SLC6A3: variants seen among roughly 807,000 people sequenced by gnomAD.
The protein encoded by SLC6A3 is solute carrier family 6 member 3.
A neutral mutation model predicts 70.4 loss-of-function variants in SLC6A3; 19 were observed. The observed-to-expected ratio is 0.27, with a 90% CI of 0.19 to 0.40. The LOEUF is 0.40. SLC6A3 is among the 10% of genes least tolerant of loss of function. The pLI is 1.00. For missense variants in SLC6A3, 613 were observed against 838.5 expected (o/e 0.73, Z 3.32); for synonymous variants, 368 against 356.6 (o/e 1.03, Z -0.36).
chr5:1,435,908 A>T (rs2126400718), intron 3 of SLC6A3, among the ~76,000 whole-genome samples: 1 of 133,952 alleles, frequency 7.5e-6, no homozygotes, highest in South Asian at 2.5e-4. Context: ...GGGTGAGGAA[A>T]CAGCCTTGAA....
rs370907238 is a variant in SLC6A3 at position 1,409,755 on chromosome 5, G to T, written c.1364C>A (p.Ala455Glu). The T allele has an allele frequency of 6.2e-7, 1 of 1,613,302 alleles. No homozygotes were observed. The highest frequency in any genetic ancestry group is 2.2e-5 in the East Asian group (1 of 44,902). Residue 455 changes from alanine to glutamate, a missense_variant, in exon 10 of 15, where the codon GCG becomes GAG. By Grantham distance (107) the Ala-to-Glu change is moderately radical (BLOSUM62 -1). This residue lies in a region of SLC6A3 where 348 missense variants were observed against 481.2 expected (regional missense o/e 0.72). Transcript: ENST00000270349. ...RELFTLFIVLATFLLSLFCVT... is the reference protein window; with the variant it reads ...RELFTLFIVLETFLLSLFCVT... The stretch of plus-strand genomic sequence containing the variant: ...GCAGAACAGGGACAGGAGGAAGGTC[G>T]CCAGGACGATGAAGAGCGTGAAGAG...
Position 1,412,694 on chromosome 5 carries a change from A to G in SLC6A3, c.1157-1339T>C, listed in dbSNP as rs563721019. 2.0e-5 allele frequency among the ~76,000 whole-genome samples: 3 copies of G among 152,192 alleles called. No individual in the cohort carries two copies. In the East Asian group the frequency reaches 5.8e-4, roughly 29 times the overall value. ...CTGGCTGGCACCATCTCCCAAGCCCAATCTGCCTGCAACAGAGTCCCCTGT... is the reference window on the plus strand; with the variant it reads ...CTGGCTGGCACCATCTCCCAAGCCCGATCTGCCTGCAACAGAGTCCCCTGT... On this transcript the variant is annotated intron_variant, in intron 8 of 14. Coordinates refer to ENST00000270349, the MANE Select transcript of SLC6A3 (RefSeq NM_001044.5).
rs1260915789 is a variant in SLC6A3, at chr5:1,416,169, G to A, written c.960C>T (p.Phe320=). ...GCACCCCGAACCCCACGCCCAGGGAGAAGCACACCTGGGTGGCCGCGTCAA... is the reference window on the plus strand; with the variant it reads ...GCACCCCGAACCCCACGCCCAGGGAAAAGCACACCTGGGTGGCCGCGTCAA... ...VWIDAATQVC[F]SLGVGFGVLI... is the part of the protein sequence containing the mutation. The change falls in exon 7 of 15, where the codon TTC becomes TTT. Residue 320 remains phenylalanine, a synonymous_variant. Coordinates refer to ENST00000270349, the MANE Select transcript of SLC6A3 (RefSeq NM_001044.5). 10 of 1,613,900 alleles carry A rather than the reference G, an allele frequency of 6.2e-6. No homozygotes were observed. The highest frequency in any genetic ancestry group is 7.6e-6 in the Non-Finnish European group (9 of 1,179,966).
intron 3 of SLC6A3, among the ~76,000 whole-genome samples, chr5:1,440,712 C>T (rs1192303005): frequency 1.3e-5 from 2 of 151,978 alleles, no homozygotes; most frequent in Admixed American, 6.5e-5. Context: ...TGCATAGAAG[C>T]AAGAAGTATA....
At chr5:1,431,049 G>T (rs463379) in intron 4 of SLC6A3, among the ~76,000 whole-genome samples, 2 of 152,032 alleles carry the variant, frequency 1.3e-5, no homozygotes, top group South Asian at 4.2e-4. Flanking sequence ...ACTGGATCTG[G>T]GGAGAATCGC....
At position 1,402,774 on chromosome 5, in the gene SLC6A3, A is replaced by G; in HGVS notation, c.1767+148T>C. On this transcript the variant is annotated intron_variant, in intron 13 of 14. Transcript: ENST00000270349. The surrounding 1 kb of genome is among the most constrained non-coding windows in gnomAD (Gnocchi z 8.5). ...CGTGCAGGTGGACACACACACGCAC[A>G]CACACACACAGTGTTGTGGTGGCCA... The G allele has an allele frequency of 2.5e-6, 2 of 797,334 alleles. No homozygotes were observed. The highest frequency in any genetic ancestry group is 2.1e-6 in the Non-Finnish European group (1 of 469,280). The allele number at this position is 797,334 out of a possible 1,614,324, so 49.4% of individuals were successfully genotyped here.
At position 1,414,760 on chromosome 5, in the gene SLC6A3, C is replaced by T. The variant is rs750843353; in HGVS notation, c.1087G>A (p.Val363Ile). The stretch of plus-strand genomic sequence containing the variant: ...ATGTACCCCAGGAAGGAGAAGACGA[C>T]GAAGCCGGAGGAGAAGCTCGTCAGG... ...NSLTSFSSGF[V>I]VFSFLGYMAQ... Residue 363 changes from valine to isoleucine, a missense_variant, in exon 8 of 15, where the codon GTC (valine) becomes ATC (isoleucine). Transcript: ENST00000270349. The T allele has an allele frequency of 1.4e-5, 23 of 1,612,738 alleles. No homozygotes were observed. Among genetic ancestry groups the T allele is most frequent in the African/African-American group, 2.7e-5 (2 of 74,850 alleles).
Position 1,443,176 on chromosome 5 carries a change from C to G in SLC6A3, c.22G>C (p.Val8Leu). ...GCCACCACGGAAGACATGAGTCCCA[C>G]GGAGCATTTGCTCTTACTCATGGGC... MSKSKCS[V>L]GLMSSVVAPA... Residue 8 changes from valine (V) to leucine (L), a missense_variant, in exon 2 of 15, where the codon GTG (valine) becomes CTG (leucine). Physicochemically the swap from Val to Leu is conservative, Grantham distance 32. Around this residue, in one of 4 missense-constraint regions of SLC6A3, gnomAD observed 111 missense variants for 91.6 expected, o/e 1.21. Coordinates refer to ENST00000270349, the MANE Select transcript of SLC6A3 (RefSeq NM_001044.5). 6.2e-7 allele frequency: 1 copy of G among 1,614,252 alleles called. No individual in the cohort carries two copies. The highest frequency in any genetic ancestry group is 8.5e-7 in the Non-Finnish European group (1 of 1,180,042).
rs1755949957 is a variant in SLC6A3 at position 1,405,456 on chromosome 5, C to T, written c.1599+732G>A. 6.6e-6 allele frequency among the ~76,000 whole-genome samples: 1 copy of T among 152,182 alleles called. No homozygotes were observed. On this transcript the variant is annotated intron_variant, in intron 12 of 14. Coordinates refer to ENST00000270349, the MANE Select transcript of SLC6A3 (RefSeq NM_001044.5). This position sits in a 1 kb window ranked among gnomAD's most constrained non-coding sequence, Gnocchi z 5.3. ...GTCCCCACCTCGTGCCTGCTGGACT[C>T]GGGAGGTGCTTCTCTACGTGAGCAG...
rs1755915954 is a variant in SLC6A3 at position 1,404,170 on chromosome 5, T to C, written c.1600-1081A>G. Among the ~76,000 whole-genome samples the C allele has an allele frequency of 6.6e-6, 1 of 152,216 alleles. No individual in the cohort carries two copies. Among genetic ancestry groups the C allele is most frequent in the Admixed American group, 6.5e-5 (1 of 15,276 alleles). On this transcript the variant is annotated intron_variant, in intron 12 of 14. Transcript: ENST00000270349. The surrounding 1 kb of genome is among the most constrained non-coding windows in gnomAD (Gnocchi z 5.2). ...GTCTCATGCCAGTCTCAGCATCTTC[T>C]TCATGCGCTACTTCGGGCCACTTGT...
intron 7 of SLC6A3, 116 bp from the exon 8 acceptor site, chr5:1,414,931 G>A: frequency 7.3e-7 from 1 of 1,368,032 alleles, no homozygotes; most frequent in Non-Finnish European, 1.0e-6. Flanking sequence ...TCTTCGGAGG[G>A]GCTACTTTTC....
Position 1,442,982 on chromosome 5 carries a change from G to C in SLC6A3, c.216C>G (p.Ser72=). The change falls in exon 2 of 15, where the codon TCC becomes TCG. Residue 72 remains serine (S), a synonymous_variant. Transcript: ENST00000270349. The surrounding 1 kb of genome is among the most constrained non-coding windows in gnomAD (Gnocchi z 5.0). ...TWGKKIDFLL[S]VIGFAVDLAN... ...CCAGGTCCACAGCAAAGCCAATGAC[G>C]GACAGGAGAAAGTCGATCTTCTTGC... 1.9e-6 allele frequency: 3 copies of C among 1,614,202 alleles called. No individual in the cohort carries two copies. The highest frequency in any genetic ancestry group is 1.1e-5 in the South Asian group (1 of 91,078).
intron 8 of SLC6A3, among the ~76,000 whole-genome samples, chr5:1,412,426 G>A (rs1309352607): frequency 3.3e-5 from 5 of 152,340 alleles, no homozygotes; most frequent in East Asian, 1.9e-4. Flanking sequence ...CCCTGCAAGC[G>A]AGGGGCACGC....
At position 1,421,507 on chromosome 5, in the gene SLC6A3, C is replaced by T. The variant is rs969296248; in HGVS notation, c.792+369G>A. ...GCCAGAAACACTGCTGTGAGTGCTTCCCTCCTGAGGCCCTTCCCCAAACAC... is the reference window on the plus strand; with the variant it reads ...GCCAGAAACACTGCTGTGAGTGCTTTCCTCCTGAGGCCCTTCCCCAAACAC... On this transcript the variant is annotated intron_variant, in intron 5 of 14. Transcript: ENST00000270349. The surrounding 1 kb of genome is among the most constrained non-coding windows in gnomAD (Gnocchi z 7.2). Among the ~76,000 whole-genome samples the T allele has an allele frequency of 4.6e-5, 7 of 152,126 alleles. No individual in the cohort carries two copies. The highest frequency in any genetic ancestry group is 1.2e-4 in the African/African-American group (5 of 41,420).
intron 1 of SLC6A3, among the ~76,000 whole-genome samples, chr5:1,443,664 A>T (rs1255030066): frequency 6.6e-6 from 1 of 151,856 alleles, no homozygotes; most frequent in African/African-American, 2.4e-5. Flanking sequence ...GTTCATCTGT[A>T]TTCTTTTTTC....
chr5:1,434,043 A>AGCCATCTATGGCCATCTGTG (rs1312322422), intron 3 of SLC6A3, among the ~76,000 whole-genome samples: 4 of 152,254 alleles, frequency 2.6e-5, no homozygotes, highest in Non-Finnish European at 5.9e-5. Context: ...AGCCATCCAT[A>AGCCATCTATGGCCATCTGTG]GCCATCTATG....
At chr5:1,410,912 ATG>A (rs905530136) in intron 9 of SLC6A3, among the ~76,000 whole-genome samples, 1 of 150,568 alleles carries the variant, frequency 6.6e-6, no homozygotes. Flanking sequence ...GGTGGTGTGA[ATG>A]TGTGTGTTCG....
chr5:1,414,583 G>A lies in SLC6A3; in HGVS notation c.1156+108C>T, dbSNP rs148689647. The A allele has an allele frequency of 2.8e-4, 363 of 1,317,120 alleles. 3 individuals carry two copies. In the East Asian group the frequency reaches 4.2e-3, roughly 15 times the overall value. 81.6% of individuals were successfully genotyped at this position (1,317,120 alleles called of 1,614,324 possible). Reference sequence around the variant, plus strand: ...TGAGGCAGCAACTCTCACTGAAGTCGCTCAGGGCCCATGCGTCTCCTTCCT... The same window carrying A: ...TGAGGCAGCAACTCTCACTGAAGTCACTCAGGGCCCATGCGTCTCCTTCCT... On this transcript the variant is annotated intron_variant, in intron 8 of 14. Coordinates refer to ENST00000270349, the MANE Select transcript of SLC6A3 (RefSeq NM_001044.5).
intron 3 of SLC6A3, among the ~76,000 whole-genome samples, chr5:1,435,140 C>T (rs1756798717): frequency 6.6e-6 from 1 of 152,122 alleles, no homozygotes; most frequent in African/African-American, 2.4e-5. Context: ...GGCCTTCTCC[C>T]ACGTGGATCT....
Sources: allele counts gnomAD v4.1 joint callset (sites outside exome capture counted in the v4.1 genomes callset), GRCh38; gene constraint gnomAD v4.1.1; regional missense constraint gnomAD v4.1.1; non-coding constraint Gnocchi (gnomAD v3.1); transcripts MANE v1.5; gene names NCBI Gene and HGNC (gene_info 2026-07-23, HGNC 2026-07-21).